Variants in EPHB2 observed in about 807,000 individuals in gnomAD.
EPHB2 encodes the protein EPH receptor B2.
In EPHB2, 18 loss-of-function variants were observed where a neutral mutation model predicts 96.4. The observed-to-expected ratio is 0.19, with a 90% CI of 0.13 to 0.28. The LOEUF is 0.28. Among genes scored for constraint, EPHB2 ranks in the 10% least tolerant of loss-of-function variants. The pLI is 1.00. For synonymous variants in EPHB2, 506 were observed against 534.1 expected, an observed-to-expected ratio of 0.95 and a Z score of 0.72; for missense variants, 989 against 1,355.4, an observed-to-expected ratio of 0.73 and a Z score of 4.25.
intron 1 of EPHB2, among the ~76,000 whole-genome samples, chr1:22,711,313 A>G (rs1199158993): frequency 6.9e-6 from 1 of 145,940 alleles, no homozygotes; most frequent in Non-Finnish European, 1.5e-5. Flanking sequence ...AGCGCCGCCC[A>G]GGGCTGGGGG....
In EPHB2 at chr1:22,858,980, A is replaced by AT. The variant is rs1256458455; in HGVS notation, c.812-4057_812-4056insT. ...CAAGTAATTAAAATAGGCACTGTATACAAAAAAATTAGCCCGGCGTGGTGG... is the reference window on the plus strand; with the variant it reads ...CAAGTAATTAAAATAGGCACTGTATATCAAAAAAATTAGCCCGGCGTGGTGG... On this transcript the variant is annotated intron_variant, in intron 3 of 15. Transcript: ENST00000374630. This position sits in a 1 kb window ranked among gnomAD's most constrained non-coding sequence, Gnocchi z 7.7. Among the ~76,000 whole-genome samples the AT allele has an allele frequency of 7.9e-5, 12 of 152,122 alleles. No homozygotes were observed. Among genetic ancestry groups the AT allele is most frequent in the Non-Finnish European group, 1.8e-4 (12 of 68,026 alleles).
intron 3 of EPHB2, among the ~76,000 whole-genome samples, chr1:22,841,825 T>A (rs1422899531): frequency 6.6e-6 from 1 of 152,188 alleles, no homozygotes; most frequent in Non-Finnish European, 1.5e-5. Context: ...GAAGGCCTGC[T>A]GTCTCCAGGA....
At chr1:22,734,244 C>T (rs1643776923) in intron 1 of EPHB2, among the ~76,000 whole-genome samples, 1 of 152,262 alleles carries the variant, frequency 6.6e-6, no homozygotes, top group East Asian at 1.9e-4. Context: ...TCTTACCCCC[C>T]GGCACAGCCC....
intron 3 of EPHB2, among the ~76,000 whole-genome samples, chr1:22,823,783 T>G (rs1252460794): frequency 2.0e-5 from 3 of 152,282 alleles, no homozygotes; most frequent in Admixed American, 2.0e-4. Flanking sequence ...ATCTCTGTTT[T>G]CCTTCTCTAC....
chr1:22,906,843 G>A lies in EPHB2; in HGVS notation c.2022G>A (p.Met674Ile). ...RRDFLSEASI[M>I]GQFDHPNVIH... Reference sequence around the variant, plus strand: ...ACTTCCTGAGCGAAGCCTCCATCATGGGCCAGTTCGACCATCCCAACGTCA... The same window carrying A: ...ACTTCCTGAGCGAAGCCTCCATCATAGGCCAGTTCGACCATCCCAACGTCA... Residue 674 changes from methionine (M) to isoleucine (I), a missense_variant, in exon 11 of 16, where the codon ATG becomes ATA. Transcript: ENST00000374630. The surrounding 1 kb of genome is among the most constrained non-coding windows in gnomAD (Gnocchi z 4.8). 6.2e-7 allele frequency: 1 copy of A among 1,614,204 alleles called. No homozygotes were observed. Among genetic ancestry groups the A allele is most frequent in the South Asian group, 1.1e-5 (1 of 91,088 alleles).
intron 5 of EPHB2, among the ~76,000 whole-genome samples, chr1:22,868,729 G>T (rs1638563755): frequency 6.6e-6 from 1 of 152,160 alleles, no homozygotes; most frequent in Admixed American, 6.5e-5. Flanking sequence ...AGTATACTCT[G>T]CCCACAGTGA....
intron 3 of EPHB2, among the ~76,000 whole-genome samples, chr1:22,789,302 C>T (rs1644658773): frequency 6.6e-6 from 1 of 152,202 alleles, no homozygotes; most frequent in South Asian, 2.1e-4. Flanking sequence ...AATAGGAAAA[C>T]ATCCATTGCT....
intron 7 of EPHB2, among the ~76,000 whole-genome samples, chr1:22,895,228 C>G (rs1219482002): frequency 1.3e-5 from 2 of 152,156 alleles, no homozygotes; most frequent in African/African-American, 4.8e-5. Context: ...CATTGAGATG[C>G]AGGAATTATG....
chr1:22,839,029 G>C (rs958032904), intron 3 of EPHB2, among the ~76,000 whole-genome samples: 2 of 152,186 alleles, frequency 1.3e-5, no homozygotes, highest in Non-Finnish European at 2.9e-5. Flanking sequence ...AGGTATAATT[G>C]AGTCTAGTCT....
intron 6 of EPHB2, among the ~76,000 whole-genome samples, chr1:22,886,233 A>G (rs976056785): frequency 1.2e-4 from 19 of 152,208 alleles, no homozygotes; most frequent in African/African-American, 3.6e-4. Context: ...CAGTTGTTCT[A>G]GGCATCAGGA....
rs3053666 is a variant in EPHB2 at position 22,904,292 on chromosome 1, C to CAAAA, written c.1766-1683_1766-1680dup. Among the ~76,000 whole-genome samples the CAAAA allele has an allele frequency of 2.2e-3, 289 of 129,970 alleles. 2 individuals are homozygous for CAAAA. In the South Asian group the frequency reaches 0.029, roughly 13 times the overall value. 85.3% of individuals were successfully genotyped at this position (129,970 alleles called of 152,430 possible). On this transcript the variant is annotated intron_variant, in intron 9 of 15. Transcript: ENST00000374630. ...TGGGTGACAGAGCAAGAACCTGTCT[C>CAAAA]AAAAAAAAAAAAAAATTAATTAAAA...
chr1:22,765,579 G>A (rs962683165), intron 1 of EPHB2, among the ~76,000 whole-genome samples: 1 of 140,888 alleles, frequency 7.1e-6, no homozygotes, highest in African/African-American at 2.6e-5. Flanking sequence ...AGTTCATCCC[G>A]TGAGCACCGG....
intron 3 of EPHB2, among the ~76,000 whole-genome samples, chr1:22,855,187 T>G (rs1039742415): frequency 6.6e-6 from 1 of 152,098 alleles, no homozygotes; most frequent in African/African-American, 2.4e-5. Flanking sequence ...AGGCCCAGAG[T>G]GGGCAGGAAG....
At position 22,906,730 on chromosome 1, in the gene EPHB2, A is replaced by G; in HGVS notation, c.1909A>G (p.Ser637Gly). The G allele has an allele frequency of 6.2e-7, 1 of 1,614,182 alleles. No homozygotes were observed. Among genetic ancestry groups the G allele is most frequent in the East Asian group, 2.2e-5 (1 of 44,870 alleles). Residue 637 changes from serine to glycine, a missense_variant, in exon 11 of 16, where the codon AGT (serine) becomes GGT (glycine). Ser to Gly is a moderately conservative substitution (Grantham distance 56). Transcript: ENST00000374630. This position sits in a 1 kb window ranked among gnomAD's most constrained non-coding sequence, Gnocchi z 4.8. Reference sequence around the variant, plus strand: ...CTCAGGGGAGTTTGGCGAGGTCTGCAGTGGCCACCTGAAGCTGCCAGGCAA... The same window carrying G: ...CTCAGGGGAGTTTGGCGAGGTCTGCGGTGGCCACCTGAAGCTGCCAGGCAA... ...IGAGEFGEVC[S>G]GHLKLPGKRE...
chr1:22,859,379 T>TGGGGCCCA (rs1645757487), intron 3 of EPHB2, among the ~76,000 whole-genome samples: 1 of 151,370 alleles, frequency 6.6e-6, no homozygotes, highest in Admixed American at 6.6e-5. Flanking sequence ...ACCAGCCCCC[T>TGGGGCCCA]GGGGCCCAGG....
chr1:22,757,842 G>C (rs1338876253), intron 1 of EPHB2, among the ~76,000 whole-genome samples: 1 of 126,612 alleles, frequency 7.9e-6, no homozygotes, highest in Non-Finnish European at 1.7e-5. Flanking sequence ...CAGCCTGAGT[G>C]ACATAGTGAG....
chr1:22,814,937 G>A (rs949646416), intron 3 of EPHB2, among the ~76,000 whole-genome samples: 5 of 152,250 alleles, frequency 3.3e-5, no homozygotes, highest in African/African-American at 1.2e-4. Context: ...CTCTGTGCCT[G>A]TAACCATGGA....
At chr1:22,818,729 C>T (rs1220739574) in intron 3 of EPHB2, among the ~76,000 whole-genome samples, 4 of 152,098 alleles carry the variant, frequency 2.6e-5, no homozygotes, top group Non-Finnish European at 5.9e-5. Flanking sequence ...TCCCCTGCAC[C>T]GTTCATCTTA....
rs762766702 is a variant in EPHB2 at position 22,913,618 on chromosome 1, G to A, written c.*48G>A. ...TCTTCCTCCAAGCCCCGCCCCCTCT[G>A]CCCCACGTGCCGGCCCTCCTGGTGC... On this transcript the variant is annotated 3_prime_UTR_variant, in exon 16 of 16. Transcript: ENST00000374630. This position sits in a 1 kb window ranked among gnomAD's most constrained non-coding sequence, Gnocchi z 4.1. 2 of 1,610,142 alleles carry A rather than the reference G, an allele frequency of 1.2e-6. No homozygotes were observed. Among genetic ancestry groups the A allele is most frequent in the East Asian group, 2.2e-5 (1 of 44,788 alleles).
Sources: allele counts gnomAD v4.1 joint callset (sites outside exome capture counted in the v4.1 genomes callset), GRCh38; gene constraint gnomAD v4.1.1; non-coding constraint Gnocchi (gnomAD v3.1); transcripts MANE v1.5; gene names NCBI Gene and HGNC (gene_info 2026-07-23, HGNC 2026-07-21).